Variants in NTM observed in about 807,000 individuals in gnomAD.
The protein encoded by NTM is neurotrimin.
NTM carries 13 observed loss-of-function variants against 42.1 expected under a neutral mutation model. That is an observed-to-expected ratio of 0.31 (90% CI 0.20 to 0.49). The LOEUF is 0.49. Among genes scored for constraint, NTM ranks in the 20% least tolerant of loss-of-function variants. NTM has a pLI of 0.99. For missense variants in NTM, 373 were observed against 452.8 expected (o/e 0.82, Z 1.60); for synonymous variants, 187 against 179.2 (o/e 1.04, Z -0.35).
At chr11:131,471,844 C>T (rs1210607064) in intron 1 of NTM, among the ~76,000 whole-genome samples, 3 of 152,214 alleles carry the variant, frequency 2.0e-5, no homozygotes, top group African/African-American at 7.2e-5. Context: ...AGCTGCTTGT[C>T]TTTCCACCCT....
chr11:131,581,434 TGGATTTTACTTTTGATTTTA>T (rs1351953689), intron 1 of NTM, among the ~76,000 whole-genome samples: 1 of 152,228 alleles, frequency 6.6e-6, no homozygotes, highest in Non-Finnish European at 1.5e-5. Flanking sequence ...AAGCTCCATT[TGGATTTTACTTTTGATTTTA>T]GGATCGGTAA....
chr11:131,946,769 TTG>T (rs1256538507), intron 2 of NTM, among the ~76,000 whole-genome samples: 2 of 152,234 alleles, frequency 1.3e-5, no homozygotes, highest in Non-Finnish European at 2.9e-5. Context: ...TAAATTAACC[TTG>T]TTTCTTTTAC....
chr11:132,169,320 C>CTTTTTTTTTTTTTTTTTTTT lies in NTM; in HGVS notation c.400+22819_400+22838dup, dbSNP rs567723794. On this transcript the variant is annotated intron_variant, in intron 3 of 8. Coordinates refer to ENST00000683400, the MANE Select transcript of NTM (RefSeq NM_001352005.2). ...GTGATATCTAGGTTTAATTTTTTTA[C>CTTTTTTTTTTTTTTTTTTTT]TTTTTTTTTTTTTTTTTTTTTTTTT... is the stretch of plus-strand genomic sequence containing the variant. Among the ~76,000 whole-genome samples, 18 of 32,370 alleles carry CTTTTTTTTTTTTTTTTTTTT rather than the reference C, an allele frequency of 5.6e-4. 5 individuals are homozygous for CTTTTTTTTTTTTTTTTTTTT. The highest frequency in any genetic ancestry group is 7.8e-4 in the East Asian group (1 of 1,290). The allele number at this position is 32,370 out of a possible 152,430, so 21.2% of individuals were successfully genotyped here. A position where few individuals can be genotyped will look rare whatever the true frequency, so the allele number is the denominator to read the frequency against.
rs535348725 is a variant in NTM, at chr11:131,895,821, C to T, written c.83-15743C>T. 3.4e-4 allele frequency among the ~76,000 whole-genome samples: 51 copies of T among 152,030 alleles called. 1 individual carries two copies. The highest frequency in any genetic ancestry group is 5.1e-4 in the Non-Finnish European group (35 of 68,024). ...GTAGAATCTGAACTGGTTCTTGAAA[C>T]CTGAATAGGATTTAGAAAGCTGTGG... On this transcript the variant is annotated intron_variant, in intron 1 of 8. Transcript: ENST00000683400.
chr11:132,291,343 A>AT (rs1055848115), intron 4 of NTM, among the ~76,000 whole-genome samples: 48 of 151,412 alleles, frequency 3.2e-4, no homozygotes, highest in African/African-American at 6.3e-4. Flanking sequence ...TGACTTCTAC[A>AT]TTTTTTTTTG....
At chr11:132,318,159 C>A (rs2095478484) in intron 7 of NTM, among the ~76,000 whole-genome samples, 2 of 152,186 alleles carry the variant, frequency 1.3e-5, no homozygotes, top group African/African-American at 2.4e-5. Context: ...CATGGCACTG[C>A]ATGAGTGGTT....
intron 1 of NTM, among the ~76,000 whole-genome samples, chr11:131,565,663 C>A (rs1395945289): frequency 6.6e-6 from 1 of 152,158 alleles, no homozygotes; most frequent in Non-Finnish European, 1.5e-5. Context: ...ATTTTTAGAG[C>A]AAAAATTTAT....
At chr11:131,788,076 G>T (rs1272472231) in intron 1 of NTM, among the ~76,000 whole-genome samples, 2 of 151,910 alleles carry the variant, frequency 1.3e-5, no homozygotes, top group South Asian at 4.2e-4. Context: ...TCAATGAATT[G>T]GCATTTGAAT....
chr11:132,041,165 GTT>G (rs1428222360), intron 2 of NTM, among the ~76,000 whole-genome samples: 1 of 150,846 alleles, frequency 6.6e-6, no homozygotes, highest in African/African-American at 2.4e-5. Flanking sequence ...GTACCTTTTT[GTT>G]ATTTTTGCTC....
intron 2 of NTM, among the ~76,000 whole-genome samples, chr11:132,110,670 A>G (rs553106439): frequency 6.6e-6 from 1 of 152,302 alleles, no homozygotes; most frequent in African/African-American, 2.4e-5. Flanking sequence ...AATTTCAATG[A>G]ATCAACACAG....
chr11:131,403,814 G>A (rs1019019990), intron 1 of NTM, among the ~76,000 whole-genome samples: 1 of 152,120 alleles, frequency 6.6e-6, no homozygotes, highest in African/African-American at 2.4e-5. Flanking sequence ...CCAAATCTCA[G>A]TATACCTGCC....
chr11:132,204,037 C>T (rs912474261), intron 3 of NTM, among the ~76,000 whole-genome samples: 3 of 152,200 alleles, frequency 2.0e-5, no homozygotes, highest in African/African-American at 7.2e-5. Flanking sequence ...ATGACCAATG[C>T]ATCCCCATTT....
chr11:132,086,968 T>C (rs1206586712), intron 2 of NTM, among the ~76,000 whole-genome samples: 1 of 152,118 alleles, frequency 6.6e-6, no homozygotes, highest in Non-Finnish European at 1.5e-5. Flanking sequence ...AAGAAGGCTT[T>C]CTTCTTCCAA....
At chr11:131,978,779 A>G (rs1383339661) in intron 2 of NTM, among the ~76,000 whole-genome samples, 2 of 152,246 alleles carry the variant, frequency 1.3e-5, no homozygotes, top group African/African-American at 2.4e-5. Flanking sequence ...GGAGAATTAC[A>G]TTAGCACATT....
Position 131,835,387 on chromosome 11 carries a change from A to G in NTM, c.83-76177A>G, listed in dbSNP as rs80260828. Reference sequence around the variant, plus strand: ...AAAAGACTTATCTCTAGGATGGATAAACACCTCCTACAAATAAAAAATATA... The same window carrying G: ...AAAAGACTTATCTCTAGGATGGATAGACACCTCCTACAAATAAAAAATATA... On this transcript the variant is annotated intron_variant, in intron 1 of 8. Coordinates refer to ENST00000683400, the MANE Select transcript of NTM (RefSeq NM_001352005.2). Among the ~76,000 whole-genome samples the G allele has an allele frequency of 7.4e-3, 1,134 of 152,282 alleles. 20 individuals are homozygous for G. The highest frequency in any genetic ancestry group is 0.026 in the African/African-American group (1,080 of 41,574).
chr11:131,753,310 A>G (rs1420092529), intron 1 of NTM, among the ~76,000 whole-genome samples: 1 of 151,914 alleles, frequency 6.6e-6, no homozygotes, highest in Non-Finnish European at 1.5e-5. Flanking sequence ...AAACTAGTTC[A>G]ACCATTGTGG....
intron 4 of NTM, among the ~76,000 whole-genome samples, chr11:132,252,598 T>A (rs560991904): frequency 6.6e-6 from 1 of 152,122 alleles, no homozygotes; most frequent in South Asian, 2.1e-4. Context: ...GAATAAGAAG[T>A]TGGTTAATAA....
At chr11:131,841,466 C>T (rs375670593) in intron 1 of NTM, among the ~76,000 whole-genome samples, 2 of 152,184 alleles carry the variant, frequency 1.3e-5, no homozygotes. Context: ...GATTTCCAAC[C>T]TTGGCAGCAC....
At chr11:131,985,663 C>T (rs577341656) in intron 2 of NTM, among the ~76,000 whole-genome samples, 4 of 152,072 alleles carry the variant, frequency 2.6e-5, no homozygotes, top group African/African-American at 7.3e-5. Flanking sequence ...GAAAAAGTTA[C>T]GAAGGGCCCG....
Sources: allele counts gnomAD v4.1 joint callset (sites outside exome capture counted in the v4.1 genomes callset), GRCh38; gene constraint gnomAD v4.1.1; transcripts MANE v1.5; gene names NCBI Gene and HGNC (gene_info 2026-07-23, HGNC 2026-07-21).